Variants in MZT2A observed in about 807,000 individuals in gnomAD.
The protein encoded by MZT2A is mitotic-spindle organizing protein 2A.
A neutral mutation model predicts 12.4 loss-of-function variants in MZT2A; 8 were observed. The observed-to-expected ratio is 0.64, with a 90% CI of 0.38 to 1.16. The LOEUF (loss-of-function observed/expected upper bound fraction) is 1.16. Among genes scored for constraint, MZT2A ranks in the 50% most tolerant of loss-of-function variants. MZT2A has a pLI of 0.01. For synonymous variants in MZT2A, 88 were observed against 107.5 expected, an observed-to-expected ratio of 0.82 and a Z score of 1.12; for missense variants, 181 against 223.6, an observed-to-expected ratio of 0.81 and a Z score of 1.22.
At chr2:131,473,393 A>C (rs1287307120) in intron 2 of MZT2A, among the ~76,000 whole-genome samples, 1 of 147,884 alleles carries the variant, frequency 6.8e-6, no homozygotes, top group Non-Finnish European at 1.5e-5. Context: ...GAAAAGTCTC[A>C]ACTCCTGGAC....
At chr2:131,479,411 C>T (rs371196857), downstream of MZT2A, 257 of 1,614,038 alleles carry the variant, frequency 1.6e-4, no homozygotes, top group Non-Finnish European at 2.0e-4. Context: ...ATTACACCAT[C>T]GGCAAGGAGA....
At chr2:131,490,524 A>G in intron 2 of MZT2A, 1 of 1,457,528 alleles carries the variant, frequency 6.9e-7, no homozygotes, top group East Asian at 2.5e-5. Flanking sequence ...TGTGGGGTCT[A>G]GAGACTGCCA....
upstream of MZT2A, among the ~76,000 whole-genome samples, chr2:131,493,539 C>T (rs928391746): frequency 5.9e-5 from 9 of 152,140 alleles, no homozygotes; most frequent in African/African-American, 1.4e-4. Flanking sequence ...GCCTTGGTTT[C>T]GGAGGCTCCC....
downstream of MZT2A, chr2:131,482,776 T>A (rs1165408868): frequency 6.2e-7 from 1 of 1,614,036 alleles, no homozygotes; most frequent in Non-Finnish European, 8.5e-7. Context: ...ACCTGGCAGC[T>A]CTAGAGAAGG....
downstream of MZT2A, among the ~76,000 whole-genome samples, chr2:131,479,765 G>A (rs766213412): frequency 1.4e-4 from 21 of 152,098 alleles, no homozygotes; most frequent in African/African-American, 1.7e-4. Context: ...GCTTGAACCC[G>A]GAAGGCGGAG....
upstream of MZT2A, chr2:131,493,047 C>T (rs1679415828): frequency 4.0e-6 from 6 of 1,489,042 alleles, no homozygotes; most frequent in South Asian, 6.4e-5. Context: ...GGCCGCGGGG[C>T]GTGGCTCTGC....
intron 2 of MZT2A, among the ~76,000 whole-genome samples, chr2:131,477,571 C>T (rs1678715845): frequency 6.6e-6 from 1 of 150,578 alleles, no homozygotes; most frequent in Non-Finnish European, 1.5e-5. Flanking sequence ...CTTTCTCCAG[C>T]CCCCCAGTAT....
At chr2:131,485,569 G>A (rs1454482940) in intron 2 of MZT2A, among the ~76,000 whole-genome samples, 1 of 152,066 alleles carries the variant, frequency 6.6e-6, no homozygotes, top group Non-Finnish European at 1.5e-5. Context: ...TGACCACCCT[G>A]GCATTAAGTG....
At chr2:131,490,465 G>A (rs1219181624) in intron 2 of MZT2A, 148 of 1,374,448 alleles carry the variant, frequency 1.1e-4, no homozygotes, top group Non-Finnish European at 1.3e-4. Context: ...CCACTAGTTC[G>A]CCTCTGGGGT....
At chr2:131,491,494 T>C (rs1679300958) in intron 2 of MZT2A, 4 of 375,636 alleles carry the variant, frequency 1.1e-5, no homozygotes, top group Admixed American at 4.3e-5. Context: ...CTCAAACTCA[T>C]GGCCTCAAAG....
At chr2:131,471,727 C>T (rs1421535572) in intron 3 of MZT2A, among the ~76,000 whole-genome samples, 5 of 151,124 alleles carry the variant, frequency 3.3e-5, no homozygotes, top group East Asian at 1.9e-4. Flanking sequence ...CTCTGGACAT[C>T]GTTCCTCATT....
At chr2:131,488,734 C>T (rs1204754828) in intron 2 of MZT2A, among the ~76,000 whole-genome samples, 1 of 152,176 alleles carries the variant, frequency 6.6e-6, no homozygotes, top group African/African-American at 2.4e-5. Flanking sequence ...CCACCTCCTC[C>T]TCAGGTTCCA....
upstream of MZT2A, chr2:131,492,508 G>A (rs571207770): frequency 1.8e-6 from 2 of 1,113,192 alleles, no homozygotes; most frequent in South Asian, 4.3e-5. Context: ...GCGCGGGGAC[G>A]GGGCCGCCTC....
intron 2 of MZT2A, among the ~76,000 whole-genome samples, chr2:131,489,067 T>A (rs1679175409): frequency 6.6e-6 from 1 of 152,038 alleles, no homozygotes; most frequent in Non-Finnish European, 1.5e-5. Context: ...TCCCATGCCC[T>A]CCCACTGCCC....
intron 3 of MZT2A, among the ~76,000 whole-genome samples, chr2:131,471,677 G>C (rs371228048): frequency 0.15 from 21,501 of 146,138 alleles, 4,406 homozygotes; most frequent in African/African-American, 0.48. Flanking sequence ...CGAGGTCACT[G>C]GTGTCAGGCG....
intron 2 of MZT2A, among the ~76,000 whole-genome samples, chr2:131,476,674 C>T (rs1316974333): frequency 6.6e-6 from 1 of 152,274 alleles, no homozygotes; most frequent in East Asian, 1.9e-4. Flanking sequence ...CGGCTCACGC[C>T]TGGAATCCCA....
chr2:131,492,523 G>GCGT, upstream of MZT2A: 1 of 1,119,920 alleles, frequency 8.9e-7, no homozygotes. Context: ...CGCCTCCTCG[G>GCGT]CGTCATTGGA....
chr2:131,491,210 A>C, intron 2 of MZT2A: 1 of 441,902 alleles, frequency 2.3e-6, no homozygotes, highest in Non-Finnish European at 4.2e-6. Context: ...TGACACTCTC[A>C]GTCCCAGCAT....
upstream of MZT2A, chr2:131,493,186 G>C: frequency 7.1e-7 from 1 of 1,409,036 alleles, no homozygotes; most frequent in Non-Finnish European, 9.2e-7. Flanking sequence ...ACGCCCTGGG[G>C]GCTTCCGCGA....
Sources: gnomAD v4.1 joint callset for allele counts (sites outside exome capture counted in the v4.1 genomes callset) on GRCh38, gnomAD v4.1.1 for gene constraint, MANE v1.5 for transcripts, NCBI Gene and HGNC (gene_info 2026-07-23, HGNC 2026-07-21) for gene names.